Variants in COMMD1 observed in about 807,000 individuals in gnomAD.
COMMD1 encodes the protein COMM domain-containing protein 1.
COMMD1 carries 10 observed loss-of-function variants against 17.2 expected under a neutral mutation model. The observed-to-expected ratio is 0.58, with a 90% CI of 0.36 to 0.99. The LOEUF (loss-of-function observed/expected upper bound fraction) is 0.99. Among genes scored for constraint, COMMD1 ranks in the 50% least tolerant of loss-of-function variants. The probability of loss-of-function intolerance (pLI) is 0.01; values close to 1 mark genes in which losing one functional copy is unlikely to be tolerated. For synonymous variants in COMMD1, 97 were observed against 91.6 expected (o/e 1.06, Z -0.34); for missense variants, 270 against 231.8 (o/e 1.17, Z -1.07).
At chr2:62,042,744 A>C (rs13423081) in intron 2 of COMMD1, among the ~76,000 whole-genome samples, 20,184 of 152,128 alleles carry the variant, frequency 0.13, 3,353 homozygotes, top group African/African-American at 0.39. Flanking sequence ...GCTGCTAGCA[A>C]GTTGTCAACT....
At chr2:61,896,164 A>G (rs1451525755) in intron 1 of COMMD1, among the ~76,000 whole-genome samples, 2 of 152,236 alleles carry the variant, frequency 1.3e-5, no homozygotes, top group South Asian at 4.1e-4. Flanking sequence ...GGAAACTGCT[A>G]TGGTTTGAAT....
intron 2 of COMMD1, among the ~76,000 whole-genome samples, chr2:62,105,061 G>GT (rs1191221593): frequency 6.6e-6 from 1 of 151,318 alleles, no homozygotes; most frequent in Non-Finnish European, 1.5e-5. Context: ...GGAGGTGGAG[G>GT]TTGCGGTAAG....
intron 1 of COMMD1, among the ~76,000 whole-genome samples, chr2:61,918,224 C>A (rs1229490287): frequency 6.6e-6 from 1 of 152,144 alleles, no homozygotes; most frequent in Non-Finnish European, 1.5e-5. Context: ...TTTAGAAATA[C>A]CATTTTCTGG....
chr2:62,050,931 G>A (rs1476231000), intron 2 of COMMD1, among the ~76,000 whole-genome samples: 1 of 151,972 alleles, frequency 6.6e-6, no homozygotes, highest in Non-Finnish European at 1.5e-5. Flanking sequence ...CTTAAAATTG[G>A]CAGCTTTTTG....
intron 1 of COMMD1, among the ~76,000 whole-genome samples, chr2:61,894,303 T>C (rs982886216): frequency 6.6e-6 from 1 of 152,138 alleles, no homozygotes; most frequent in African/African-American, 2.4e-5. Context: ...GTTTTTGCCA[T>C]GTTGGCCAGG....
At chr2:61,917,086 G>A (rs1300705160) in intron 1 of COMMD1, among the ~76,000 whole-genome samples, 2 of 152,050 alleles carry the variant, frequency 1.3e-5, no homozygotes, top group Non-Finnish European at 2.9e-5. Context: ...GGACACAAAG[G>A]CTCATGCCTG....
At chr2:62,109,738 A>T (rs1672404868) in intron 2 of COMMD1, among the ~76,000 whole-genome samples, 1 of 152,230 alleles carries the variant, frequency 6.6e-6, no homozygotes, top group African/African-American at 2.4e-5. Context: ...TATGTTATCA[A>T]AGGACAGAGG....
At chr2:61,987,264 G>A (rs756393276) in intron 1 of COMMD1, among the ~76,000 whole-genome samples, 2 of 152,024 alleles carry the variant, frequency 1.3e-5, no homozygotes, top group Non-Finnish European at 2.9e-5. Flanking sequence ...TAGTGTCTAG[G>A]CATTAAAGAA....
chr2:61,933,859 G>A (rs1271694394), intron 1 of COMMD1, among the ~76,000 whole-genome samples: 1 of 151,548 alleles, frequency 6.6e-6, no homozygotes, highest in East Asian at 1.9e-4. Context: ...CACCTCCCGG[G>A]TTCAAGTGAT....
chr2:62,019,767 C>T (rs1669561214), intron 2 of COMMD1, among the ~76,000 whole-genome samples: 1 of 152,138 alleles, frequency 6.6e-6, no homozygotes, highest in Admixed American at 6.5e-5. Context: ...TCAGATGTAT[C>T]CACTGAAAAG....
intron 2 of COMMD1, among the ~76,000 whole-genome samples, chr2:62,086,284 C>T (rs1251280112): frequency 2.0e-5 from 3 of 152,058 alleles, no homozygotes; most frequent in Non-Finnish European, 2.9e-5. Flanking sequence ...CCGAGGCGGG[C>T]GGATCACGAG....
At chr2:61,908,227 CTTTT>C (rs939199316) in intron 1 of COMMD1, among the ~76,000 whole-genome samples, 1 of 135,238 alleles carries the variant, frequency 7.4e-6, no homozygotes. Flanking sequence ...TTATTGAACT[CTTTT>C]TTTTTTTTTT....
At chr2:61,975,622 C>G (rs1241941425) in intron 1 of COMMD1, among the ~76,000 whole-genome samples, 1 of 152,038 alleles carries the variant, frequency 6.6e-6, no homozygotes, top group Non-Finnish European at 1.5e-5. Flanking sequence ...GCTTTTGATG[C>G]ATTTTACAAT....
At chr2:62,042,999 G>T (rs923465472) in intron 2 of COMMD1, among the ~76,000 whole-genome samples, 1 of 152,306 alleles carries the variant, frequency 6.6e-6, no homozygotes, top group Non-Finnish European at 1.5e-5. Context: ...TGAGAAGATT[G>T]TCTAGTATCC....
upstream of COMMD1, chr2:61,888,435 G>C (rs1447841181): frequency 6.8e-6 from 11 of 1,612,576 alleles, no homozygotes; most frequent in Admixed American, 1.7e-5. Context: ...TCGCGGTCCT[G>C]ATAGGCGCCT....
At chr2:62,130,154 CAA>C (rs531499822) in intron 2 of COMMD1, among the ~76,000 whole-genome samples, 151 of 89,396 alleles carry the variant, frequency 1.7e-3, no homozygotes, top group African/African-American at 4.6e-3. Context: ...GACTCTGTCT[CAA>C]AAAAAAAAAA....
At chr2:62,052,768 G>A (rs539059132) in intron 2 of COMMD1, among the ~76,000 whole-genome samples, 23 of 152,084 alleles carry the variant, frequency 1.5e-4, no homozygotes, top group African/African-American at 5.1e-4. Flanking sequence ...TAAAACCCAC[G>A]CTGATCAAAA....
At chr2:62,026,007 C>G (rs1016702772) in intron 2 of COMMD1, among the ~76,000 whole-genome samples, 4 of 152,054 alleles carry the variant, frequency 2.6e-5, no homozygotes, top group East Asian at 3.9e-4. Flanking sequence ...ATACACTGTT[C>G]TTCTACCTAC....
intron 2 of COMMD1, among the ~76,000 whole-genome samples, chr2:62,045,706 A>G (rs1212622748): frequency 2.0e-5 from 2 of 101,652 alleles, no homozygotes; most frequent in Admixed American, 2.0e-4. Context: ...CTGGCCTCCT[A>G]TTATCATCTT....
Sources: gnomAD v4.1 joint callset for allele counts (sites outside exome capture counted in the v4.1 genomes callset) on GRCh38, gnomAD v4.1.1 for gene constraint, MANE v1.5 for transcripts, NCBI Gene and HGNC (gene_info 2026-07-23, HGNC 2026-07-21) for gene names.